Variants in MOB1B observed in about 807,000 individuals in gnomAD.
MOB1B encodes the protein MOB1 Mps One Binder homolog B.
Under a neutral mutation model 24.4 loss-of-function variants are expected in MOB1B, and 19 were observed. The ratio of observed to expected loss-of-function variants is 0.78; its 90% CI spans 0.54 to 1.14. The LOEUF (loss-of-function observed/expected upper bound fraction) is 1.14. Among genes scored for constraint, MOB1B ranks in the 50% most tolerant of loss-of-function variants. The pLI is 0.00. For synonymous variants in MOB1B, 76 were observed against 82.1 expected (o/e 0.93, Z 0.40); for missense variants, 243 against 259.6 (o/e 0.94, Z 0.44).
intron 4 of MOB1B, among the ~76,000 whole-genome samples, chr4:70,977,829 C>T (rs1405024460): frequency 2.0e-5 from 3 of 152,096 alleles, no homozygotes; most frequent in Admixed American, 1.3e-4. Flanking sequence ...TAACTGGGGC[C>T]GCAGGTATAC....
At chr4:70,965,498 A>T (rs1435901416) in intron 2 of MOB1B, among the ~76,000 whole-genome samples, 1 of 151,292 alleles carries the variant, frequency 6.6e-6, no homozygotes, top group African/African-American at 2.4e-5. Context: ...CTTACATAGC[A>T]TTAAAAGTTG....
At chr4:70,919,283 A>C (rs1736328392) in intron 1 of MOB1B, among the ~76,000 whole-genome samples, 1 of 151,980 alleles carries the variant, frequency 6.6e-6, no homozygotes, top group South Asian at 2.1e-4. Context: ...TATTGTGCAC[A>C]TGTACCCTAA....
At position 70,976,774 on chromosome 4, in the gene MOB1B, ATCTCTCTC is replaced by A. The variant is rs71604569; in HGVS notation, c.409+1493_409+1500del. ...ATTACATATATATATATATATATAT[ATCTCTCTC>A]TCTCAATCATAAGGGTTGGATGAGT... On this transcript the variant is annotated intron_variant, in intron 4 of 5. Coordinates refer to ENST00000309395, the MANE Select transcript of MOB1B (RefSeq NM_173468.4). 174 of 187,832 alleles carry A rather than the reference ATCTCTCTC, an allele frequency of 9.3e-4. 4 individuals are homozygous for A. The highest frequency in any genetic ancestry group is 2.5e-3 in the African/African-American group (89 of 36,076). 11.6% of individuals were successfully genotyped at this position (187,832 alleles called of 1,614,324 possible).
intron 2 of MOB1B, 104 bp from the exon 3 acceptor site, chr4:70,969,827 G>T (rs1738683266): frequency 7.8e-5 from 39 of 497,426 alleles, no homozygotes; most frequent in Non-Finnish European, 1.0e-4. Context: ...CCTGTTCTTT[G>T]TAGGGGAACG....
At chr4:70,916,295 C>T (rs1736190439) in intron 1 of MOB1B, among the ~76,000 whole-genome samples, 1 of 152,172 alleles carries the variant, frequency 6.6e-6, no homozygotes, top group Non-Finnish European at 1.5e-5. Flanking sequence ...GTTACGGTGT[C>T]CTCATGGTCA....
At chr4:70,908,330 C>CT (rs1214043788) in intron 1 of MOB1B, among the ~76,000 whole-genome samples, 1,399 of 132,222 alleles carry the variant, frequency 0.011, 23 homozygotes, top group African/African-American at 0.033. Flanking sequence ...GCCCGGCCCT[C>CT]TTTTTTTTTT....
chr4:70,979,286 G>A lies in MOB1B; in HGVS notation c.568G>A (p.Val190Ile), dbSNP rs908851132. The part of the protein sequence containing the change: ...NTSFKHFIFF[V>I]QEFNLIDRRE... The stretch of plus-strand genomic sequence containing the variant: ...ATCTTTCAAGCACTTTATTTTTTTT[G>A]TCCAGGTAAGTTGGATTAGGAGGCC... Residue 190 changes from valine (V) to isoleucine (I), a missense_variant, in exon 5 of 6, where the codon GTC becomes ATC. Coordinates refer to ENST00000309395, the MANE Select transcript of MOB1B (RefSeq NM_173468.4). 6.2e-7 allele frequency: 1 copy of A among 1,612,098 alleles called. No homozygotes were observed. Among genetic ancestry groups the A allele is most frequent in the Non-Finnish European group, 8.5e-7 (1 of 1,179,464 alleles).
In MOB1B at chr4:70,978,319, A is replaced by T. The variant is rs1739080413; in HGVS notation, c.410-809A>T. Among the ~76,000 whole-genome samples, 3 of 152,180 alleles carry T rather than the reference A, an allele frequency of 2.0e-5. No homozygotes were observed. In the South Asian group the frequency reaches 6.2e-4, roughly 32 times the overall value. ...ATATATAGCACAGTTTTAAAAATCC[A>T]TTCATCTGTTGATGGACACCTGGGT... On this transcript the variant is annotated intron_variant, in intron 4 of 5. Transcript: ENST00000309395.
At chr4:70,935,065 G>T (rs1178512513) in intron 1 of MOB1B, among the ~76,000 whole-genome samples, 1 of 152,130 alleles carries the variant, frequency 6.6e-6, no homozygotes. Flanking sequence ...GGGACTACAG[G>T]TGCAGTGCAT....
chr4:70,946,084 CTTTTTTTT>C (rs11331194), intron 1 of MOB1B, among the ~76,000 whole-genome samples: 4 of 85,392 alleles, frequency 4.7e-5, no homozygotes, highest in Non-Finnish European at 7.2e-5. Context: ...TTTGTTTGTT[CTTTTTTTT>C]TTTTTTTTTT....
chr4:70,977,442 T>A (rs1190464671), intron 4 of MOB1B, among the ~76,000 whole-genome samples: 2 of 152,184 alleles, frequency 1.3e-5, no homozygotes, highest in African/African-American at 4.8e-5. Flanking sequence ...TATTGGCTGT[T>A]TTACCAATCT....
intron 2 of MOB1B, among the ~76,000 whole-genome samples, chr4:70,960,782 T>C (rs1738273679): frequency 6.6e-6 from 1 of 152,230 alleles, no homozygotes; most frequent in Non-Finnish European, 1.5e-5. Context: ...ATCTCCAATA[T>C]ATGTGTACGT....
intron 4 of MOB1B, chr4:70,976,804 G>A (rs1739026004): frequency 5.4e-6 from 1 of 184,648 alleles, no homozygotes; most frequent in African/African-American, 2.9e-5. Context: ...AGGGTTGGAT[G>A]AGTGTCCCCA....
chr4:70,918,862 G>A (rs1471072865), intron 1 of MOB1B, among the ~76,000 whole-genome samples: 5 of 152,150 alleles, frequency 3.3e-5, no homozygotes, highest in East Asian at 1.9e-4. Flanking sequence ...ACATGCACAC[G>A]TATGTTTATT....
chr4:70,926,178 G>A (rs1271963024), intron 1 of MOB1B, among the ~76,000 whole-genome samples: 2 of 151,864 alleles, frequency 1.3e-5, no homozygotes, highest in Non-Finnish European at 2.9e-5. Flanking sequence ...TAGAGACAGG[G>A]TTTTGCCATG....
rs1249803492 is a variant in MOB1B, at chr4:70,985,494, A to G, written c.*3437A>G. The stretch of plus-strand genomic sequence containing the variant: ...TTACACTAAACACTTTTGGCAGCTT[A>G]ATATGACCTTTTTAAATTTTTTTTA... On this transcript the variant is annotated 3_prime_UTR_variant, in exon 6 of 6. Transcript: ENST00000309395. 2.0e-5 allele frequency: 3 copies of G among 152,110 alleles called. No homozygotes were observed. The highest frequency in any genetic ancestry group is 1.3e-4 in the Admixed American group (2 of 15,256). The allele number at this position is 152,110 out of a possible 1,614,324, so 9.4% of individuals were successfully genotyped here.
intron 1 of MOB1B, among the ~76,000 whole-genome samples, chr4:70,921,326 A>G (rs1736427623): frequency 6.6e-6 from 1 of 152,194 alleles, no homozygotes; most frequent in Non-Finnish European, 1.5e-5. Context: ...TGCCAGCACT[A>G]TCTATGCAAA....
chr4:70,902,626 G>A (rs1735560191), intron 1 of MOB1B, 76 bp downstream of exon 1: 3 of 1,348,258 alleles, frequency 2.2e-6, no homozygotes, highest in African/African-American at 1.6e-5. Context: ...GCCGCCCGTC[G>A]CCCGCCCTCG....
At chr4:70,961,478 A>G (rs1738302694) in intron 2 of MOB1B, among the ~76,000 whole-genome samples, 1 of 152,238 alleles carries the variant, frequency 6.6e-6, no homozygotes, top group African/African-American at 2.4e-5. Flanking sequence ...TTTTCAGCCC[A>G]TGGTTCATCA....
Sources: allele counts gnomAD v4.1 joint callset (sites outside exome capture counted in the v4.1 genomes callset), GRCh38; gene constraint gnomAD v4.1.1; transcripts MANE v1.5; gene names NCBI Gene and HGNC (gene_info 2026-07-23, HGNC 2026-07-21).